Variants in HS1BP3 observed in about 807,000 individuals in gnomAD.
HS1BP3 encodes the protein HCLS1 binding protein 3.
A neutral mutation model predicts 33.5 loss-of-function variants in HS1BP3; 32 were observed. The observed-to-expected ratio is 0.95, with a 90% confidence interval of 0.72 to 1.28. The LOEUF (loss-of-function observed/expected upper bound fraction) is 1.28, where lower values mean the gene tolerates loss of function less well. HS1BP3 is among the 50% of genes most tolerant of loss of function. The pLI, the probability that HS1BP3 is intolerant of heterozygous loss-of-function variation, is 0.00. For missense variants in HS1BP3, 486 were observed against 502.3 expected (o/e 0.97, Z 0.31); for synonymous variants, 187 against 209.2 (o/e 0.89, Z 0.92).
intron 3 of HS1BP3, chr2:20,598,164 T>C: frequency 4.1e-6 from 1 of 245,902 alleles, no homozygotes; most frequent in Non-Finnish European, 8.9e-6. Context: ...TTATTTCTAT[T>C]ATTATTACGT....
At chr2:20,645,309 C>T (rs755528344) in intron 2 of HS1BP3, 31 bp downstream of exon 2, 29 of 1,600,910 alleles carry the variant, frequency 1.8e-5, no homozygotes, top group African/African-American at 9.4e-5. Context: ...CGGGCACCCT[C>T]GAAACATCCT....
intron 4 of HS1BP3, among the ~76,000 whole-genome samples, chr2:20,631,320 C>T (rs1694959671): frequency 6.6e-6 from 1 of 151,580 alleles, no homozygotes; most frequent in African/African-American, 2.4e-5. Flanking sequence ...TCAAGACCAC[C>T]CTGGGCAACA....
intron 2 of HS1BP3, among the ~76,000 whole-genome samples, chr2:20,643,497 CAG>C: frequency 6.6e-6 from 1 of 152,344 alleles, no homozygotes; most frequent in East Asian, 1.9e-4. Context: ...GATTCACTCT[CAG>C]AGCAATGCAG....
rs115188881 is a variant in HS1BP3, at chr2:20,586,055, G to A, written c.303-25540C>T. Among the ~76,000 whole-genome samples, 808 of 152,334 alleles carry A rather than the reference G, an allele frequency of 5.3e-3. 8 individuals are homozygous for A. Among genetic ancestry groups the A allele is most frequent in the African/African-American group, 0.019 (769 of 41,566 alleles). ...TGCCATACACCGTGGCTGCACTGCCGAGGCCCAGCTACAGGCTCCGAGGTT... is the reference window on the plus strand; with the variant it reads ...TGCCATACACCGTGGCTGCACTGCCAAGGCCCAGCTACAGGCTCCGAGGTT... On this transcript the variant is annotated intron_variant, in intron 5 of 5. Coordinates refer to the HS1BP3 transcript ENST00000446825.
At chr2:20,557,507 C>A (rs1692868596), downstream of HS1BP3, among the ~76,000 whole-genome samples, 1 of 152,206 alleles carries the variant, frequency 6.6e-6, no homozygotes, top group African/African-American at 2.4e-5. Flanking sequence ...ACACAAATCT[C>A]TGACCCTGAT....
intron 2 of HS1BP3, among the ~76,000 whole-genome samples, chr2:20,642,416 A>G (rs1005712568): frequency 6.6e-6 from 1 of 152,178 alleles, no homozygotes; most frequent in Non-Finnish European, 1.5e-5. Context: ...TGCTGCTTGC[A>G]GTTGTCAGCA....
chr2:20,650,102 G>C (rs376645991), intron 1 of HS1BP3, among the ~76,000 whole-genome samples: 1 of 152,282 alleles, frequency 6.6e-6, no homozygotes, highest in African/African-American at 2.4e-5. Context: ...GAAAGACCAA[G>C]CAGCCTCCGA....
In HS1BP3 at chr2:20,605,933, C is replaced by T. The variant is rs56262828; in HGVS notation, c.179-7668G>A. 1.3e-3 allele frequency among the ~76,000 whole-genome samples: 197 copies of T among 152,208 alleles called. 1 individual carries two copies. Among genetic ancestry groups the T allele is most frequent in the Non-Finnish European group, 1.4e-3 (94 of 68,002 alleles). The stretch of plus-strand genomic sequence containing the variant: ...CATTCTTGCATGAGTTTTGTTCGAA[C>T]CCCTGTCTTCAATTCTTTGGGGCAT... On this transcript the variant is annotated intron_variant, in intron 2 of 3. Coordinates refer to the HS1BP3 transcript ENST00000415264.
intron 2 of HS1BP3, among the ~76,000 whole-genome samples, chr2:20,601,385 T>C (rs1053344150): frequency 1.3e-5 from 2 of 152,328 alleles, no homozygotes; most frequent in East Asian, 3.9e-4. Flanking sequence ...AAAACACACA[T>C]GCTTGTTAGA....
At chr2:20,610,573 T>C (rs1377601504) in intron 2 of HS1BP3, among the ~76,000 whole-genome samples, 1 of 152,230 alleles carries the variant, frequency 6.6e-6, no homozygotes, top group Admixed American at 6.5e-5. Flanking sequence ...CTGAATTAAA[T>C]GCTCAGTGGA....
At chr2:20,589,849 G>A (rs1693770314), downstream of HS1BP3, among the ~76,000 whole-genome samples, 1 of 151,804 alleles carries the variant, frequency 6.6e-6, no homozygotes, top group African/African-American at 2.4e-5. Flanking sequence ...GATTGTGGGG[G>A]AATTGGGGTG....
chr2:20,628,193 G>C (rs1041577393), intron 4 of HS1BP3, among the ~76,000 whole-genome samples: 34 of 152,222 alleles, frequency 2.2e-4, no homozygotes, highest in Admixed American at 2.1e-3. Context: ...CACTCACTGA[G>C]AACCTCCCAC....
chr2:20,578,740 T>C (rs1236908861), intron 5 of HS1BP3, among the ~76,000 whole-genome samples: 1 of 152,176 alleles, frequency 6.6e-6, no homozygotes, highest in Non-Finnish European at 1.5e-5. Flanking sequence ...CTGGGAGCAG[T>C]ACTGCCACCT....
chr2:20,623,978 A>T lies in HS1BP3; in HGVS notation c.838T>A (p.Ser280Thr). Residue 280 changes from serine (S) to threonine (T), a missense_variant, in exon 6 of 7, where the codon TCC (serine) becomes ACC (threonine). Coordinates refer to ENST00000304031, the MANE Select transcript of HS1BP3 (RefSeq NM_022460.4). ...DLGGAIPLGD[S>T]LLLPAACESG... ...TCACAGGCGGCTGGCAGCAGGAGGG[A>T]GTCACCCAGGGGGATGGCCCCGCCG... 6.2e-7 allele frequency: 1 copy of T among 1,612,246 alleles called. No homozygotes were observed. The highest frequency in any genetic ancestry group is 8.5e-7 in the Non-Finnish European group (1 of 1,179,600).
chr2:20,574,446 C>T (rs1693351348), intron 5 of HS1BP3, among the ~76,000 whole-genome samples: 2 of 152,184 alleles, frequency 1.3e-5, no homozygotes, highest in Admixed American at 1.3e-4. Context: ...AGTGTCTTAT[C>T]CATGGCTGCC....
At chr2:20,567,597 C>A (rs756607857) in intron 5 of HS1BP3, among the ~76,000 whole-genome samples, 15 of 152,162 alleles carry the variant, frequency 9.9e-5, no homozygotes, top group African/African-American at 7.2e-5. Flanking sequence ...ACTTCCCCCC[C>A]AGACACAGCC....
chr2:20,625,746 C>T (rs1303425280), intron 4 of HS1BP3, among the ~76,000 whole-genome samples: 6 of 152,072 alleles, frequency 3.9e-5, no homozygotes, highest in Admixed American at 1.3e-4. Context: ...GAAACCAGGA[C>T]GGGGCAGGAT....
At chr2:20,577,051 G>A (rs1693417931) in intron 5 of HS1BP3, among the ~76,000 whole-genome samples, 1 of 152,200 alleles carries the variant, frequency 6.6e-6, no homozygotes, top group African/African-American at 2.4e-5. Flanking sequence ...ATTTATGGGA[G>A]AATTTACAAG....
At chr2:20,598,892 ATTC>A (rs1175090707) in intron 2 of HS1BP3, among the ~76,000 whole-genome samples, 1 of 152,118 alleles carries the variant, frequency 6.6e-6, no homozygotes, top group Non-Finnish European at 1.5e-5. Flanking sequence ...GGCTCTTTAT[ATTC>A]TTCTTGTAAA....
Sources: gnomAD v4.1 joint callset for allele counts (sites outside exome capture counted in the v4.1 genomes callset) on GRCh38, gnomAD v4.1.1 for gene constraint, MANE v1.5 for transcripts, NCBI Gene and HGNC (gene_info 2026-07-23, HGNC 2026-07-21) for gene names.